Variants in SLC4A10 observed in about 807,000 individuals in gnomAD.
The protein encoded by SLC4A10 is sodium-driven chloride bicarbonate exchanger.
In SLC4A10, 42 loss-of-function variants were observed where a neutral mutation model predicts 137.7. That is an observed-to-expected ratio of 0.30 (90% CI 0.24 to 0.39). The LOEUF is 0.39. SLC4A10 is among the 10% of genes least tolerant of loss of function. The pLI is 1.00. For missense variants in SLC4A10, 925 were observed against 1,355.0 expected (o/e 0.68, Z 4.98); for synonymous variants, 474 against 464.1 (o/e 1.02, Z -0.27).
At position 161,896,266 on chromosome 2, in the gene SLC4A10, G is replaced by C. The variant is rs371381107; in HGVS notation, c.1341+1441G>C. On this transcript the variant is annotated intron_variant, in intron 11 of 26. Coordinates refer to ENST00000446997, the MANE Select transcript of SLC4A10 (RefSeq NM_001178015.2). The stretch of plus-strand genomic sequence containing the variant: ...TCTGAGGGCTCTGTTCTGTTCCATT[G>C]ATCTATATCTCTGTTTTGGTACCAG... Among the ~76,000 whole-genome samples the C allele has an allele frequency of 1.8e-4, 28 of 151,836 alleles. 1 individual carries two copies. The East Asian group carries it at 4.9e-3, about 26-fold the overall frequency.
intron 15 of SLC4A10, among the ~76,000 whole-genome samples, chr2:161,919,728 T>G (rs1439104734): frequency 1.3e-5 from 2 of 152,148 alleles, no homozygotes; most frequent in East Asian, 3.9e-4. Flanking sequence ...AACTTGGGAC[T>G]CACGAAGTGG....
chr2:161,914,833 A>G (rs978361857), intron 15 of SLC4A10, among the ~76,000 whole-genome samples: 1 of 152,126 alleles, frequency 6.6e-6, no homozygotes, highest in Non-Finnish European at 1.5e-5. Context: ...TTTTTAAAAA[A>G]TGATTAAGAT....
At chr2:161,857,539 T>C (rs1162293033) in intron 5 of SLC4A10, among the ~76,000 whole-genome samples, 45 of 152,316 alleles carry the variant, frequency 3.0e-4, no homozygotes, top group Admixed American at 2.5e-3. Context: ...TTTCCTCTCA[T>C]TGAAAACTAT....
At chr2:161,904,970 T>C (rs1683998131) in intron 14 of SLC4A10, 61 bp downstream of exon 14, 5 of 1,524,886 alleles carry the variant, frequency 3.3e-6, no homozygotes, top group African/African-American at 2.7e-5. Context: ...GTATTTATAC[T>C]TCTCCCAACA....
At chr2:161,779,048 C>G (rs140203525) in intron 2 of SLC4A10, among the ~76,000 whole-genome samples, 3 of 151,912 alleles carry the variant, frequency 2.0e-5, no homozygotes, top group Non-Finnish European at 4.4e-5. Context: ...ACTATGGCAC[C>G]GGCATCTTCT....
chr2:161,731,957 A>G (rs937293024), intron 1 of SLC4A10, among the ~76,000 whole-genome samples: 2 of 152,128 alleles, frequency 1.3e-5, no homozygotes, highest in African/African-American at 4.8e-5. Context: ...TTTAAGGTGT[A>G]TGACATGACT....
intron 1 of SLC4A10, among the ~76,000 whole-genome samples, chr2:161,670,870 C>T (rs2039619605): frequency 6.6e-6 from 1 of 152,084 alleles, no homozygotes; most frequent in African/African-American, 2.4e-5. Context: ...TTTCAGACCA[C>T]ACTAAGTATA....
intron 15 of SLC4A10, among the ~76,000 whole-genome samples, chr2:161,938,905 T>C (rs1692123062): frequency 6.6e-6 from 1 of 152,230 alleles, no homozygotes; most frequent in South Asian, 2.1e-4. Flanking sequence ...AAGATTATAA[T>C]TTAAAGCACC....
chr2:161,817,994 C>T (rs1210681867), intron 3 of SLC4A10, among the ~76,000 whole-genome samples: 5 of 151,834 alleles, frequency 3.3e-5, no homozygotes, highest in African/African-American at 7.3e-5. Context: ...AACTTTAAAG[C>T]AGTTTTTTCC....
At chr2:161,636,998 G>A (rs942819300) in intron 1 of SLC4A10, among the ~76,000 whole-genome samples, 1 of 148,978 alleles carries the variant, frequency 6.7e-6, no homozygotes, top group Non-Finnish European at 1.5e-5. Flanking sequence ...GATTACAGGC[G>A]TGCATCACTA....
chr2:161,926,513 AT>A lies in SLC4A10; in HGVS notation c.1998-16276del, dbSNP rs550779820. 4.7e-5 allele frequency among the ~76,000 whole-genome samples: 7 copies of A among 149,650 alleles called. No individual in the cohort carries two copies. In the East Asian group the frequency reaches 1.2e-3, roughly 26 times the overall value. Reference sequence around the variant, plus strand: ...CTGATGGGTCTTGACTCTTTATCCAATTTGCCAATCTGTGTCTTTTAATTAG... The same window carrying A: ...CTGATGGGTCTTGACTCTTTATCCAATTGCCAATCTGTGTCTTTTAATTAG... On this transcript the variant is annotated intron_variant, in intron 15 of 26. Transcript: ENST00000446997.
chr2:161,634,321 G>A (rs1158753479), intron 1 of SLC4A10, among the ~76,000 whole-genome samples: 1 of 151,788 alleles, frequency 6.6e-6, no homozygotes, highest in Non-Finnish European at 1.5e-5. Context: ...CTTTATATCA[G>A]GATATACATA....
chr2:161,888,878 T>C (rs1050645316), intron 10 of SLC4A10, among the ~76,000 whole-genome samples: 1 of 152,218 alleles, frequency 6.6e-6, no homozygotes, highest in Non-Finnish European at 1.5e-5. Context: ...TCAAAGGGAA[T>C]GCTTCCAGCT....
chr2:161,962,263 C>T (rs1346400869), intron 21 of SLC4A10, among the ~76,000 whole-genome samples: 3 of 152,028 alleles, frequency 2.0e-5, no homozygotes, highest in Non-Finnish European at 4.4e-5. Context: ...AGATATATAC[C>T]CACATCTATA....
chr2:161,874,116 T>A, intron 8 of SLC4A10, 111 bp downstream of exon 8: 1 of 1,113,812 alleles, frequency 9.0e-7, no homozygotes, highest in Non-Finnish European at 1.3e-6. Flanking sequence ...TCTGCCACTC[T>A]AAGAACTATC....
intron 15 of SLC4A10, among the ~76,000 whole-genome samples, chr2:161,941,323 C>T (rs943468784): frequency 1.3e-5 from 2 of 151,958 alleles, no homozygotes; most frequent in Admixed American, 6.6e-5. Flanking sequence ...GGAAATGGAG[C>T]CTCTGGTTAA....
chr2:161,750,615 T>C (rs2048868761), intron 1 of SLC4A10, among the ~76,000 whole-genome samples: 1 of 151,890 alleles, frequency 6.6e-6, no homozygotes, highest in Non-Finnish European at 1.5e-5. Flanking sequence ...ATTTGTCTTC[T>C]TAAATGTCTT....
Position 161,952,824 on chromosome 2 carries a change from G to T in SLC4A10, c.2541+1976G>T, listed in dbSNP as rs1171685329. On this transcript the variant is annotated intron_variant, in intron 19 of 26. Transcript: ENST00000446997. ...CTATAGAGTGTGGTCTGATGCTACT[G>T]GTTTTCCCGTTAACAACAACAAAAT... Among the ~76,000 whole-genome samples, 3 of 152,210 alleles carry T rather than the reference G, an allele frequency of 2.0e-5. No individual in the cohort carries two copies. The East Asian group carries it at 5.8e-4, about 29-fold the overall frequency.
At chr2:161,902,238 A>T (rs1319555826) in intron 12 of SLC4A10, 1 of 297,590 alleles carries the variant, frequency 3.4e-6, no homozygotes, top group Non-Finnish European at 6.7e-6. Flanking sequence ...TATAACAACT[A>T]TTCAGACTAA....
Sources: allele counts gnomAD v4.1 joint callset (sites outside exome capture counted in the v4.1 genomes callset), GRCh38; gene constraint gnomAD v4.1.1; transcripts MANE v1.5; gene names NCBI Gene and HGNC (gene_info 2026-07-23, HGNC 2026-07-21).